ZC3H12B: variants seen among roughly 807,000 people sequenced by gnomAD.
ZC3H12B encodes probable ribonuclease ZC3H12B.
In ZC3H12B, 7 loss-of-function variants were observed where a neutral mutation model predicts 43.9. The observed-to-expected ratio is 0.16, with a 90% confidence interval of 0.09 to 0.30. The LOEUF (loss-of-function observed/expected upper bound fraction) is 0.30, where lower values mean the gene tolerates loss of function less well. Ranked by LOEUF, ZC3H12B falls within the 10% of genes least tolerant of loss-of-function variation. ZC3H12B has a pLI of 1.00. For synonymous variants in ZC3H12B, 222 were observed against 241.7 expected (o/e 0.92, Z 0.76); for missense variants, 475 against 670.2 (o/e 0.71, Z 3.22).
At chrX:65,142,463 A>T in the ZC3H12B span, among the ~76,000 whole-genome samples, 2 of 112,228 alleles carry the variant, frequency 1.8e-5, no homozygotes, top group Non-Finnish European at 3.8e-5. Flanking sequence ...TTGTCTGTTT[A>T]CTTTGCTGAC....
Position 65,449,444 on chromosome X carries a change from C to A in ZC3H12B, n.408-39202C>A, listed in dbSNP as rs754021774. Among the ~76,000 whole-genome samples, 10 of 110,772 alleles carry A rather than the reference C, an allele frequency of 9.0e-5. No individual in the cohort carries two copies. The East Asian group carries it at 2.0e-3, about 22-fold the overall frequency. On this transcript the variant is annotated intron_variant and non_coding_transcript_variant, in intron 3 of 5. Coordinates refer to the ZC3H12B transcript ENST00000617377. ...GACCAGCCTGGACAACATGGCAAAA[C>A]CCCCTCTGTAGTAATAATACAAAAA... is the stretch of plus-strand genomic sequence containing the variant.
the ZC3H12B span, among the ~76,000 whole-genome samples, chrX:65,147,052 A>G: frequency 8.9e-6 from 1 of 111,918 alleles, no homozygotes; most frequent in East Asian, 2.8e-4. Context: ...CTCCTTTCAC[A>G]TGTTGTTTAC....
the ZC3H12B span, among the ~76,000 whole-genome samples, chrX:65,124,463 T>A: frequency 9.0e-6 from 1 of 110,699 alleles, no homozygotes; most frequent in African/African-American, 3.3e-5. Flanking sequence ...TTTTATGTTA[T>A]TTCCTGATTT....
the ZC3H12B span, among the ~76,000 whole-genome samples, chrX:65,284,169 T>C: frequency 7.5e-5 from 8 of 106,416 alleles, no homozygotes; most frequent in East Asian, 2.4e-3. Context: ...ATGATAGTCC[T>C]CCTCTATGAA....
the ZC3H12B span, among the ~76,000 whole-genome samples, chrX:65,220,291 A>G: frequency 3.6e-5 from 4 of 111,720 alleles, no homozygotes; most frequent in Non-Finnish European, 5.7e-5. Flanking sequence ...CAACTACACA[A>G]TGAAAAAAAC....
the ZC3H12B span, among the ~76,000 whole-genome samples, chrX:65,270,002 A>C: frequency 8.9e-6 from 1 of 111,915 alleles, no homozygotes; most frequent in East Asian, 2.8e-4. Context: ...TCAAATCTCC[A>C]TGTTGTTTTT....
chrX:65,174,015 T>C, the ZC3H12B span, among the ~76,000 whole-genome samples: 1 of 111,858 alleles, frequency 8.9e-6, no homozygotes, highest in African/African-American at 3.3e-5. Flanking sequence ...GCATGTCTGC[T>C]GCAGTTTGCT....
intron 3 of ZC3H12B, among the ~76,000 whole-genome samples, chrX:65,432,826 C>A (rs2067179306): frequency 8.9e-6 from 1 of 111,893 alleles, no homozygotes; most frequent in African/African-American, 3.2e-5. Flanking sequence ...ATGCAAATGT[C>A]TTACCAATAA....
At chrX:65,502,247 C>G in exon 5 of ZC3H12B, 1 of 1,211,507 alleles carries the variant, frequency 8.3e-7, no homozygotes, top group Non-Finnish European at 1.1e-6. Context: ...GCAGTATCCT[C>G]CCATCTTGGT....
chrX:65,053,565 C>A, the ZC3H12B span, among the ~76,000 whole-genome samples: 1 of 111,734 alleles, frequency 8.9e-6, no homozygotes, highest in African/African-American at 3.3e-5. Flanking sequence ...CCACAATAAA[C>A]ATACATGTGC....
At chrX:65,102,416 A>G in the ZC3H12B span, among the ~76,000 whole-genome samples, 8 of 112,070 alleles carry the variant, frequency 7.1e-5, no homozygotes, top group African/African-American at 2.6e-4. Flanking sequence ...AATAAAAGGT[A>G]TTCAGATAGA....
In ZC3H12B at chrX:65,450,313, AT is replaced by A. The variant is rs200769051; in HGVS notation, n.408-38332del. Among the ~76,000 whole-genome samples, 72 of 86,294 alleles carry A rather than the reference AT, an allele frequency of 8.3e-4. No individual in the cohort carries two copies. The East Asian group carries it at 9.0e-3, about 11-fold the overall frequency. The allele number at this position is 86,294 out of a possible 115,157, so 74.9% of individuals were successfully genotyped here. On this transcript the variant is annotated intron_variant and non_coding_transcript_variant, in intron 3 of 5. Transcript: ENST00000617377. Reference sequence around the variant, plus strand: ...AGCAAGACTTCATCTCAAAAAAAAAATATATATATATATACATATATATGTA... The same window carrying A: ...AGCAAGACTTCATCTCAAAAAAAAAAATATATATATATACATATATATGTA...
the ZC3H12B span, among the ~76,000 whole-genome samples, chrX:65,046,188 G>C: frequency 9.0e-6 from 1 of 111,679 alleles, no homozygotes; most frequent in Non-Finnish European, 1.9e-5. Flanking sequence ...CATAACAGGA[G>C]ATTCAGCCTG....
At chrX:65,335,875 G>A in the ZC3H12B span, among the ~76,000 whole-genome samples, 4 of 112,027 alleles carry the variant, frequency 3.6e-5, no homozygotes, top group Non-Finnish European at 7.5e-5. Context: ...TCATTTCAAG[G>A]TCAAGCTCCC....
At chrX:65,111,878 A>G in the ZC3H12B span, among the ~76,000 whole-genome samples, 5 of 110,317 alleles carry the variant, frequency 4.5e-5, no homozygotes, top group African/African-American at 1.3e-4. Context: ...TTGTCTCCCT[A>G]TTTTCTGAGA....
At chrX:65,180,711 G>T in the ZC3H12B span, among the ~76,000 whole-genome samples, 1 of 111,058 alleles carries the variant, frequency 9.0e-6, no homozygotes, top group Non-Finnish European at 1.9e-5. Context: ...TAGAAGTTAC[G>T]TGTAGGACCT....
At chrX:65,312,679 G>T in the ZC3H12B span, among the ~76,000 whole-genome samples, 1 of 111,379 alleles carries the variant, frequency 9.0e-6, no homozygotes, top group African/African-American at 3.3e-5. Flanking sequence ...AGGTTAAGGT[G>T]CCAGTAGATT....
chrX:65,035,306 G>T, the ZC3H12B span, among the ~76,000 whole-genome samples: 1 of 112,050 alleles, frequency 8.9e-6, no homozygotes, highest in Non-Finnish European at 1.9e-5. Context: ...GTTCTAGTGC[G>T]CCTTTCCGGC....
the ZC3H12B span, among the ~76,000 whole-genome samples, chrX:65,231,381 G>A: frequency 9.0e-6 from 1 of 111,235 alleles, no homozygotes. Context: ...CAGGAAACAG[G>A]GTTCGAGAGC....
Sources: allele counts gnomAD v4.1 joint callset (sites outside exome capture counted in the v4.1 genomes callset), GRCh38; gene constraint gnomAD v4.1.1; transcripts MANE v1.5; gene names NCBI Gene and HGNC (gene_info 2026-07-23, HGNC 2026-07-21).